Variants in SLC17A9 observed in about 807,000 individuals in gnomAD.
SLC17A9 encodes the protein voltage-gated purine nucleotide uniporter SLC17A9.
Under a neutral mutation model 55.0 loss-of-function variants are expected in SLC17A9, and 49 were observed. That is an observed-to-expected ratio of 0.89 (90% CI 0.71 to 1.13). The LOEUF is 1.13. Among genes scored for constraint, SLC17A9 ranks in the 50% most tolerant of loss-of-function variants. SLC17A9 has a pLI of 0.00. For synonymous variants in SLC17A9, 256 were observed against 247.4 expected, an observed-to-expected ratio of 1.03 and a Z score of -0.32; for missense variants, 526 against 569.3, an observed-to-expected ratio of 0.92 and a Z score of 0.77.
intron 8 of SLC17A9, 97 bp downstream of exon 8, chr20:62,964,412 C>A: frequency 8.1e-7 from 1 of 1,229,146 alleles, no homozygotes; most frequent in Non-Finnish European, 1.2e-6. Flanking sequence ...GCAGCTTCAG[C>A]ACACGGAGAG....
In SLC17A9 at chr20:62,956,897, C is replaced by T. The variant is rs754611592; in HGVS notation, c.192C>T (p.Ile64=). The T allele has an allele frequency of 7.4e-6, 12 of 1,613,534 alleles. No individual in the cohort carries two copies. The highest frequency in any genetic ancestry group is 1.6e-4 in the Middle Eastern group (1 of 6,084). ...GCTGGAACAAGAAGGAGGCCGGCAT[C>T]GTGCTCAGCAGCTTCTTCTGGGGCT... ...DFGWNKKEAG[I]VLSSFFWGYC... is the part of the protein sequence containing the mutation. The change falls in exon 2 of 13, where the codon ATC becomes ATT. Residue 64 remains isoleucine, a synonymous_variant. Transcript: ENST00000370351.
chr20:62,960,454 A>C, intron 3 of SLC17A9, 50 bp from the exon 4 acceptor site: 2 of 1,555,434 alleles, frequency 1.3e-6, no homozygotes, highest in Non-Finnish European at 1.8e-6. Flanking sequence ...ATAGGCCGGG[A>C]GGAGCCTCCC....
chr20:62,966,050 G>A (rs574881874), intron 10 of SLC17A9, among the ~76,000 whole-genome samples: 7 of 147,582 alleles, frequency 4.7e-5, no homozygotes, highest in African/African-American at 1.7e-4. Context: ...GGGCTGCAGT[G>A]CTCTGGCCAG....
chr20:62,963,726 G>A (rs746684875), intron 7 of SLC17A9, 46 bp downstream of exon 7: 25 of 1,523,876 alleles, frequency 1.6e-5, no homozygotes, highest in South Asian at 1.3e-4. Flanking sequence ...CAGAAGGCAC[G>A]AGGCTTGAGC....
intron 3 of SLC17A9, among the ~76,000 whole-genome samples, chr20:62,960,153 G>C (rs1176224997): frequency 1.3e-5 from 2 of 152,370 alleles, no homozygotes; most frequent in East Asian, 3.9e-4. Flanking sequence ...GAACACGTGC[G>C]TGTGCAGGCG....
chr20:62,965,211 G>A, intron 9 of SLC17A9, 45 bp downstream of exon 9: 6 of 1,612,930 alleles, frequency 3.7e-6, no homozygotes, highest in Non-Finnish European at 4.2e-6. Flanking sequence ...TCCCTGCTTT[G>A]TTCAGGGTCT....
At chr20:62,959,282 C>A (rs765721533) in intron 3 of SLC17A9, among the ~76,000 whole-genome samples, 1 of 152,220 alleles carries the variant, frequency 6.6e-6, no homozygotes, top group Non-Finnish European at 1.5e-5. Flanking sequence ...GGCAGCCAGA[C>A]CCCGTAGGCT....
chr20:62,960,727 C>G (rs1281024072), intron 4 of SLC17A9, 124 bp downstream of exon 4: 1 of 883,690 alleles, frequency 1.1e-6, no homozygotes. Flanking sequence ...GAGGTGGGTC[C>G]CGCAGGCGCC....
chr20:62,965,767 C>G (rs750554770), intron 10 of SLC17A9, 42 bp downstream of exon 10: 1 of 1,585,566 alleles, frequency 6.3e-7, no homozygotes, highest in African/African-American at 1.3e-5. Context: ...CCGTGCTGCC[C>G]GCACGGCCGA....
intron 4 of SLC17A9, 59 bp downstream of exon 4, chr20:62,960,662 TG>T (rs2065581971): frequency 1.3e-6 from 2 of 1,516,280 alleles, no homozygotes; most frequent in Non-Finnish European, 1.8e-6. Context: ...CCTTGCCGAG[TG>T]GCCCCTGGTC....
rs2065629685 is a variant in SLC17A9 at position 62,965,594 on chromosome 20, T to G, written c.946-16T>G. 6.2e-7 allele frequency: 1 copy of G among 1,608,662 alleles called. No homozygotes were observed. The highest frequency in any genetic ancestry group is 1.3e-5 in the African/African-American group (1 of 74,856). On this transcript the variant is annotated splice_polypyrimidine_tract_variant and intron_variant, in intron 9 of 12. Transcript: ENST00000370351. ...CGGGCTGGGTGCCTCTCCGTCACGG[T>G]GGCGCTTTCCTGCAGGGCATGGGCC...
At chr20:62,956,686 A>T in intron 1 of SLC17A9, 79 bp from the exon 2 acceptor site, 1 of 1,333,536 alleles carries the variant, frequency 7.5e-7, no homozygotes, top group Non-Finnish European at 1.0e-6. Flanking sequence ...CCCAGCCCTG[A>T]GGGAGGTCTC....
chr20:62,954,819 G>A (rs1266919935), intron 1 of SLC17A9, among the ~76,000 whole-genome samples: 6 of 152,230 alleles, frequency 3.9e-5, no homozygotes, highest in African/African-American at 1.4e-4. Flanking sequence ...CTCCTTCCAA[G>A]GAGGCCCTGG....
At chr20:62,961,817 A>T (rs968269561) in intron 4 of SLC17A9, among the ~76,000 whole-genome samples, 1 of 152,046 alleles carries the variant, frequency 6.6e-6, no homozygotes, top group African/African-American at 2.4e-5. Context: ...CCAGGTGGGG[A>T]GCAGAGACAG....
Position 62,962,574 on chromosome 20 carries a change from C to G in SLC17A9, c.498-50C>G. 1 of 1,603,078 alleles carries G rather than the reference C, an allele frequency of 6.2e-7. No individual in the cohort carries two copies. Among genetic ancestry groups the G allele is most frequent in the South Asian group, 1.1e-5 (1 of 89,928 alleles). On this transcript the variant is annotated intron_variant, in intron 4 of 12. Transcript: ENST00000370351. This position sits in a 1 kb window ranked among gnomAD's most constrained non-coding sequence, Gnocchi z 5.5. ...GGGGTTTCTGAGAGGCCCCTCCTCA[C>G]CCGAGGGGTGCCGCTGAGGGGCCTG...
At chr20:62,966,453 C>T in intron 10 of SLC17A9, 72 bp from the exon 11 acceptor site, 1 of 1,540,788 alleles carries the variant, frequency 6.5e-7, no homozygotes, top group South Asian at 1.2e-5. Context: ...TTCCCCGCTT[C>T]CCCTGTGACA....
Position 62,956,845 on chromosome 20 carries a change from G to A in SLC17A9, c.140G>A (p.Cys47Tyr), listed in dbSNP as rs745988544. ...LYCARSSMPICTVSMSQDFGW... is the reference protein window; with the variant it reads ...LYCARSSMPIYTVSMSQDFGW... Reference sequence around the variant, plus strand: ...TGCGCCCGCTCCAGCATGCCCATCTGCACCGTCTCCATGAGCCAGGACTTC... The same window carrying A: ...TGCGCCCGCTCCAGCATGCCCATCTACACCGTCTCCATGAGCCAGGACTTC... Residue 47 changes from cysteine (C) to tyrosine (Y), a missense_variant, in exon 2 of 13, where the codon TGC becomes TAC. Coordinates refer to ENST00000370351, the MANE Select transcript of SLC17A9 (RefSeq NM_022082.4). The A allele has an allele frequency of 1.2e-6, 2 of 1,613,434 alleles. No individual in the cohort carries two copies. Among genetic ancestry groups the A allele is most frequent in the Admixed American group, 1.7e-5 (1 of 60,020 alleles).
Position 62,965,692 on chromosome 20 carries a change from C to T in SLC17A9, c.1028C>T (p.Ser343Leu). The T allele has an allele frequency of 6.2e-7, 1 of 1,613,970 alleles. No individual in the cohort carries two copies. Among genetic ancestry groups the T allele is most frequent in the South Asian group, 1.1e-5 (1 of 91,080 alleles). The change falls in exon 10 of 13, where the codon TCA becomes TTA. Residue 343 changes from serine (S) to leucine (L), a missense_variant. Coordinates refer to ENST00000370351, the MANE Select transcript of SLC17A9 (RefSeq NM_022082.4). Reference protein sequence around the residue: ...SSFCESVVFASASIGLQTFNH... With the variant: ...SSFCESVVFALASIGLQTFNH... ...TTCTGTGAGTCTGTGGTCTTTGCATCAGCCTCCATCGGCCTCCAGACCTTC... is the reference window on the plus strand; with the variant it reads ...TTCTGTGAGTCTGTGGTCTTTGCATTAGCCTCCATCGGCCTCCAGACCTTC...
chr20:62,964,011 G>A lies in SLC17A9; in HGVS notation c.823-217G>A, dbSNP rs1850631089. On this transcript the variant is annotated intron_variant, in intron 7 of 12. Transcript: ENST00000370351. ...TGCAGAAGCCGGGATGTGGACAGAG[G>A]GGTCACCTGCGGTCAGCACGGTTCC... The A allele has an allele frequency of 3.6e-5, 22 of 618,010 alleles. 1 individual carries two copies. Among genetic ancestry groups the A allele is most frequent in the Middle Eastern group, 8.7e-4 (2 of 2,302 alleles). 38.3% of individuals were successfully genotyped at this position (618,010 alleles called of 1,614,324 possible).
Sources: gnomAD v4.1 joint callset for allele counts (sites outside exome capture counted in the v4.1 genomes callset) on GRCh38, gnomAD v4.1.1 for gene constraint, Gnocchi (gnomAD v3.1) non-coding constraint, MANE v1.5 for transcripts, NCBI Gene and HGNC (gene_info 2026-07-23, HGNC 2026-07-21) for gene names.